Variants in FBXO41 observed in about 807,000 individuals in gnomAD.
The protein encoded by FBXO41 is F-box protein 41, also known as F-box only protein 41.
A neutral mutation model predicts 81.6 loss-of-function variants in FBXO41; 33 were observed. The observed-to-expected ratio is 0.40, with a 90% CI of 0.31 to 0.54. FBXO41 has a LOEUF of 0.54. FBXO41 is among the 20% of genes least tolerant of loss of function. The pLI is 0.39. For missense variants in FBXO41, 1,107 were observed against 1,236.0 expected (o/e 0.90, Z 1.56); for synonymous variants, 576 against 552.7 (o/e 1.04, Z -0.59).
chr2:73,276,502 C>G (rs1688684046), intron 1 of FBXO41, among the ~76,000 whole-genome samples: 1 of 145,886 alleles, frequency 6.9e-6, no homozygotes, highest in South Asian at 2.2e-4. Context: ...AGAAGTAAAT[C>G]CAAAACATGG....
At chr2:73,271,632 C>CCCCCCA (rs1553384782) in intron 1 of FBXO41, 1 of 148,448 alleles carries the variant, frequency 6.7e-6, no homozygotes, top group African/African-American at 2.5e-5. Context: ...CTCCCCCCCC[C>CCCCCCA]CCAACTTCTT....
chr2:73,273,574 C>G (rs1218332874), intron 1 of FBXO41, among the ~76,000 whole-genome samples: 1 of 152,170 alleles, frequency 6.6e-6, no homozygotes, highest in Non-Finnish European at 1.5e-5. Context: ...GTAATGGACT[C>G]ATTTCTCAGT....
At chr2:73,263,894 C>T (rs765463427) in intron 7 of FBXO41, 44 bp downstream of exon 7, 2 of 1,613,838 alleles carry the variant, frequency 1.2e-6, no homozygotes, top group South Asian at 1.1e-5. Context: ...AATTCCAGGT[C>T]TGTGGCCCAA....
chr2:73,267,544 A>T (rs1213376748), intron 2 of FBXO41, among the ~76,000 whole-genome samples: 1 of 152,236 alleles, frequency 6.6e-6, no homozygotes, highest in African/African-American at 2.4e-5. Flanking sequence ...GCACTGTTCT[A>T]GGTATTGGGG....
chr2:73,270,143 AT>A (rs886901332), intron 1 of FBXO41, among the ~76,000 whole-genome samples: 2 of 152,206 alleles, frequency 1.3e-5, no homozygotes, highest in African/African-American at 4.8e-5. Flanking sequence ...TCCATCCAAT[AT>A]TATGTTGCAT....
At chr2:73,276,108 T>A (rs72809966) in intron 1 of FBXO41, among the ~76,000 whole-genome samples, 41,871 of 148,318 alleles carry the variant, frequency 0.28, 8,263 homozygotes, top group African/African-American at 0.54. Context: ...TCTTTTTTTT[T>A]AAAAAAATGA....
chr2:73,279,194 G>A (rs925951455), intron 1 of FBXO41, among the ~76,000 whole-genome samples: 10 of 152,106 alleles, frequency 6.6e-5, no homozygotes, highest in Non-Finnish European at 8.8e-5. Context: ...GATGAGGCTC[G>A]GGTTTGGGTC....
In FBXO41 at chr2:73,266,390, A is replaced by G; in HGVS notation, c.1131+67T>C. The G allele has an allele frequency of 1.4e-6, 2 of 1,421,330 alleles. No homozygotes were observed. The highest frequency in any genetic ancestry group is 5.2e-5 in the East Asian group (2 of 38,164). The allele number at this position is 1,421,330 out of a possible 1,614,324, so 88.0% of individuals were successfully genotyped here. A position where few individuals can be genotyped will look rare whatever the true frequency, so the allele number is the denominator to read the frequency against. ...GGCATCATGGGGGAGATGTCCAGCC[A>G]TGTGAAAGGTGAGGTTGTGGGGGGC... On this transcript the variant is annotated intron_variant, in intron 3 of 12. Transcript: ENST00000520530. This position sits in a 1 kb window ranked among gnomAD's most constrained non-coding sequence, Gnocchi z 5.3.
rs370389311 is a variant in FBXO41, at chr2:73,268,903, C to T, written c.728G>A (p.Arg243His). The change falls in exon 2 of 13, where the codon CGC (arginine) becomes CAC (histidine). Residue 243 changes from arginine (R) to histidine (H), a missense_variant. Coordinates refer to ENST00000520530, the MANE Select transcript of FBXO41 (RefSeq NM_001371389.2). ...CGCAGTCTCCAGTTCGGCCGCCTTG[C>T]GCTCCAGCTCGGCCTGCAGCCGGCC... The part of the protein sequence containing the change: ...QVGRLQAELE[R>H]KAAELETARQ... 136 of 1,546,714 alleles carry T rather than the reference C, an allele frequency of 8.8e-5. 1 individual carries two copies. Among genetic ancestry groups the T allele is most frequent in the Non-Finnish European group, 5.8e-5 (67 of 1,148,634 alleles).
At chr2:73,279,915 T>A (rs1688798530) in intron 1 of FBXO41, among the ~76,000 whole-genome samples, 1 of 152,120 alleles carries the variant, frequency 6.6e-6, no homozygotes, top group South Asian at 2.1e-4. Context: ...AATTCTTTTT[T>A]AAAAAATGCT....
intron 5 of FBXO41, 41 bp downstream of exon 5, chr2:73,265,241 C>A (rs1574381257): frequency 1.3e-6 from 2 of 1,536,838 alleles, no homozygotes; most frequent in Non-Finnish European, 1.7e-6. Context: ...AGATTCACTG[C>A]CTCAGACCTG....
chr2:73,259,440 G>A lies in FBXO41; in HGVS notation c.2450-144C>T. On this transcript the variant is annotated intron_variant, in intron 11 of 12. Transcript: ENST00000520530. This position sits in a 1 kb window ranked among gnomAD's most constrained non-coding sequence, Gnocchi z 4.2. ...GGAGAGCAGACTCATGCCACCTGGG[G>A]GCTGGCGACCGGATGCGGGGAGAGG... is the stretch of plus-strand genomic sequence containing the variant. 2 of 701,872 alleles carry A rather than the reference G, an allele frequency of 2.8e-6. No individual in the cohort carries two copies. Among genetic ancestry groups the A allele is most frequent in the Non-Finnish European group, 4.9e-6 (2 of 407,644 alleles). 43.5% of individuals were successfully genotyped at this position (701,872 alleles called of 1,614,324 possible).
rs764397181 is a variant in FBXO41 at position 73,266,638 on chromosome 2, C to G, written c.950G>C (p.Arg317Pro). 1.2e-6 allele frequency: 2 copies of G among 1,605,364 alleles called. No homozygotes were observed. Among genetic ancestry groups the G allele is most frequent in the African/African-American group, 1.3e-5 (1 of 74,756 alleles). Residue 317 changes from arginine to proline, a missense_variant, in exon 3 of 13, where the codon CGG (arginine) becomes CCG (proline). Around this residue, in one of 2 missense-constraint regions of FBXO41, gnomAD observed 771 missense variants for 789.2 expected, o/e 0.98. Transcript: ENST00000520530. The surrounding 1 kb of genome is among the most constrained non-coding windows in gnomAD (Gnocchi z 5.3). ...CAGCCGCAGCTTGGCGCTGGCCTCC[C>G]GCGCCGCCGTCTCCTTCAGGAACTG... is the stretch of plus-strand genomic sequence containing the variant. The part of the protein sequence containing the change: ...IDQFLKETAA[R>P]EASAKLRLQQ...
intron 1 of FBXO41, among the ~76,000 whole-genome samples, chr2:73,277,536 C>T (rs1177983826): frequency 6.6e-6 from 1 of 152,208 alleles, no homozygotes; most frequent in Non-Finnish European, 1.5e-5. Flanking sequence ...GCCTCCAGAC[C>T]TGTGATGCTC....
chr2:73,268,642 C>T (rs1364816862), intron 2 of FBXO41, 84 bp downstream of exon 2: 5 of 1,335,828 alleles, frequency 3.7e-6, no homozygotes, highest in Non-Finnish European at 5.0e-6. Flanking sequence ...CATACAGACA[C>T]ACTCAGGCAC....
chr2:73,264,234 G>C, intron 6 of FBXO41, 44 bp downstream of exon 6: 1 of 1,610,922 alleles, frequency 6.2e-7, no homozygotes, highest in South Asian at 1.1e-5. Flanking sequence ...CAGGGGGAAA[G>C]GTGGGTTCAC....
rs969933094 is a variant in FBXO41, at chr2:73,255,715, AAAGAT to A, written c.*3262_*3266del. On this transcript the variant is annotated 3_prime_UTR_variant, in exon 13 of 13. Transcript: ENST00000520530. ...CGGGTGACTCCCCACTGGTGGCCCC[AAAGAT>A]AAGAGACCAGGAGTGGGGAAATAGG... 3.3e-5 allele frequency: 5 copies of A among 152,686 alleles called. No homozygotes were observed. The highest frequency in any genetic ancestry group is 1.2e-4 in the African/African-American group (5 of 41,454). 9.5% of individuals were successfully genotyped at this position (152,686 alleles called of 1,614,324 possible).
Position 73,266,086 on chromosome 2 carries a change from G to A in FBXO41, c.1132-120C>T, listed in dbSNP as rs1306533232. 4.7e-6 allele frequency: 4 copies of A among 850,374 alleles called. No individual in the cohort carries two copies. The highest frequency in any genetic ancestry group is 7.5e-6 in the Non-Finnish European group (4 of 532,234). 52.7% of individuals were successfully genotyped at this position (850,374 alleles called of 1,614,324 possible). A position where few individuals can be genotyped will look rare whatever the true frequency, so the allele number is the denominator to read the frequency against. ...GAGATGGGGGAGAGGAGAGAGAAGG[G>A]AAAATAGTTGGGAAAGATGGACAAA... is the stretch of plus-strand genomic sequence containing the variant. On this transcript the variant is annotated intron_variant, in intron 3 of 12. Transcript: ENST00000520530. The surrounding 1 kb of genome is among the most constrained non-coding windows in gnomAD (Gnocchi z 5.3).
chr2:73,258,772 T>A lies in FBXO41; in HGVS notation c.*210A>T. On this transcript the variant is annotated 3_prime_UTR_variant, in exon 13 of 13. Coordinates refer to ENST00000520530, the MANE Select transcript of FBXO41 (RefSeq NM_001371389.2). ...GGTGGGGGTCGGAGGGCAGCTTCTG[T>A]CCAAGCCCCTGTACTGGGGAGGCAG... The A allele has an allele frequency of 1.8e-6, 1 of 556,228 alleles. No homozygotes were observed. Among genetic ancestry groups the A allele is most frequent in the South Asian group, 3.2e-5 (1 of 31,458 alleles). 34.5% of individuals were successfully genotyped at this position (556,228 alleles called of 1,614,324 possible).
Sources: allele counts gnomAD v4.1 joint callset (sites outside exome capture counted in the v4.1 genomes callset), GRCh38; gene constraint gnomAD v4.1.1; regional missense constraint gnomAD v4.1.1; non-coding constraint Gnocchi (gnomAD v3.1); transcripts MANE v1.5; gene names NCBI Gene and HGNC (gene_info 2026-07-23, HGNC 2026-07-21).